MBIP: variants seen among roughly 807,000 people sequenced by gnomAD.
MBIP encodes MAP3K12 binding inhibitory protein 1, also known as MAP3K12-binding inhibitory protein 1.
A neutral mutation model predicts 45.7 loss-of-function variants in MBIP; 32 were observed. The ratio of observed to expected loss-of-function variants is 0.70; its 90% CI spans 0.53 to 0.94. The LOEUF (loss-of-function observed/expected upper bound fraction) is 0.94. Among genes scored for constraint, MBIP ranks in the 40% least tolerant of loss-of-function variants. The probability of loss-of-function intolerance (pLI) is 0.00; values close to 1 mark genes in which losing one functional copy is unlikely to be tolerated. For missense variants in MBIP, 381 were observed against 405.5 expected, an observed-to-expected ratio of 0.94 and a Z score of 0.52; for synonymous variants, 145 against 141.0, an observed-to-expected ratio of 1.03 and a Z score of -0.20.
At chr14:36,316,563 C>T (rs1225313701) in intron 2 of MBIP, 130 bp downstream of exon 2, 4 of 833,510 alleles carry the variant, frequency 4.8e-6, no homozygotes, top group Non-Finnish European at 7.3e-6. Context: ...AGATTAAATC[C>T]GGATGTAAAT....
chr14:36,309,575 T>A (rs764716304), intron 6 of MBIP, among the ~76,000 whole-genome samples: 1 of 152,190 alleles, frequency 6.6e-6, no homozygotes, highest in African/African-American at 2.4e-5. Context: ...TATGTAAAAA[T>A]TCTAGAAATT....
In MBIP at chr14:36,298,994, T is replaced by C; in HGVS notation, c.*89A>G. On this transcript the variant is annotated 3_prime_UTR_variant, in exon 9 of 9. Coordinates refer to ENST00000416007, the MANE Select transcript of MBIP (RefSeq NM_016586.3). ...CCTTGACTTCACAGAGAAGTCTACATTGATAAATATATATCCGTTGAATTA... is the reference window on the plus strand; with the variant it reads ...CCTTGACTTCACAGAGAAGTCTACACTGATAAATATATATCCGTTGAATTA... 7 of 927,716 alleles carry C rather than the reference T, an allele frequency of 7.5e-6. No individual in the cohort carries two copies. Among genetic ancestry groups the C allele is most frequent in the East Asian group, 2.5e-5 (1 of 40,584 alleles). 57.5% of individuals were successfully genotyped at this position (927,716 alleles called of 1,614,324 possible).
At chr14:36,301,442 G>C (rs1879543015) in intron 7 of MBIP, among the ~76,000 whole-genome samples, 1 of 152,306 alleles carries the variant, frequency 6.6e-6, no homozygotes, top group East Asian at 1.9e-4. Flanking sequence ...AGAGCTTCTG[G>C]AAAAAGCTTC....
At chr14:36,307,996 G>T in intron 7 of MBIP, 96 bp downstream of exon 7, 1 of 639,900 alleles carries the variant, frequency 1.6e-6, no homozygotes, top group Non-Finnish European at 2.7e-6. Flanking sequence ...TATTAAAATA[G>T]TGTTTTGCTT....
In MBIP at chr14:36,300,921, C is replaced by A. The variant is rs941034287; in HGVS notation, c.889-98G>T. The A allele has an allele frequency of 8.3e-6, 6 of 719,336 alleles. No homozygotes were observed. The African/African-American group carries it at 9.2e-5, about 11-fold the overall frequency. The allele number at this position is 719,336 out of a possible 1,614,324, so 44.6% of individuals were successfully genotyped here. A position where few individuals can be genotyped will look rare whatever the true frequency, so the allele number is the denominator to read the frequency against. On this transcript the variant is annotated intron_variant, in intron 7 of 8. Transcript: ENST00000416007. ...CAAATTATGTACAGCCTTGGGAACCCTGACAGAAAAAAAACCAACCAATTT... is the reference window on the plus strand; with the variant it reads ...CAAATTATGTACAGCCTTGGGAACCATGACAGAAAAAAAACCAACCAATTT...
chr14:36,310,796 G>C (rs928506518), intron 6 of MBIP, among the ~76,000 whole-genome samples: 1 of 152,172 alleles, frequency 6.6e-6, no homozygotes. Context: ...GCAGCACAAC[G>C]AGTGGGAGAT....
intron 8 of MBIP, among the ~76,000 whole-genome samples, chr14:36,299,709 G>A (rs531621283): frequency 1.3e-5 from 2 of 152,258 alleles, no homozygotes; most frequent in South Asian, 4.1e-4. Context: ...AAAATCATTT[G>A]AGACATCAAC....
At chr14:36,306,022 C>A (rs995471562) in intron 7 of MBIP, among the ~76,000 whole-genome samples, 1 of 152,172 alleles carries the variant, frequency 6.6e-6, no homozygotes, top group Non-Finnish European at 1.5e-5. Context: ...TTAGATAAAT[C>A]TTTCTAAATA....
Position 36,303,282 on chromosome 14 carries a change from A to G in MBIP, c.889-2459T>C, listed in dbSNP as rs116603958. On this transcript the variant is annotated intron_variant, in intron 7 of 8. Coordinates refer to ENST00000416007, the MANE Select transcript of MBIP (RefSeq NM_016586.3). ...TACTTGAGAGCACAGCACACTAAAG[A>G]AAGAGCTGGAGAAAGGTAATGCAAA... Among the ~76,000 whole-genome samples the G allele has an allele frequency of 4.9e-3, 747 of 152,312 alleles. 6 individuals carry two copies. Among genetic ancestry groups the G allele is most frequent in the African/African-American group, 0.017 (686 of 41,570 alleles).
intron 1 of MBIP, chr14:36,319,815 T>C (rs118170965): frequency 0.012 from 2,225 of 182,552 alleles, 33 homozygotes; most frequent in Non-Finnish European, 0.014. Flanking sequence ...CCAATTTTAC[T>C]ATGACATTTC....
intron 7 of MBIP, among the ~76,000 whole-genome samples, chr14:36,302,681 C>T (rs1336058564): frequency 6.6e-6 from 1 of 151,726 alleles, no homozygotes; most frequent in Non-Finnish European, 1.5e-5. Flanking sequence ...TAAAATGTGG[C>T]CTTTTGGACT....
intron 1 of MBIP, among the ~76,000 whole-genome samples, chr14:36,317,134 C>A (rs1484399051): frequency 6.6e-6 from 1 of 152,072 alleles, no homozygotes. Flanking sequence ...TATATACAAA[C>A]CTTTGGATGG....
intron 4 of MBIP, 97 bp from the exon 5 acceptor site, chr14:36,312,121 C>G (rs1020169333): frequency 2.5e-5 from 15 of 589,224 alleles, no homozygotes; most frequent in Non-Finnish European, 1.1e-5. Context: ...TAACATTTTA[C>G]TCATAATAAT....
rs777284510 is a variant in MBIP at position 36,311,602 on chromosome 14, TTTTGTAG to T, written c.754_760del (p.Leu252IlefsTer43). ...CTGTAACCGCAAGTGGGCCTCAATA[TTTTGTAG>T]TCGTTCTTCTACAGCCTGATTACCA... On this transcript the variant is annotated frameshift_variant, in exon 6 of 9. Transcript: ENST00000416007. LOFTEE classifies it high-confidence loss of function. The T allele has an allele frequency of 4.4e-5, 71 of 1,612,870 alleles. No individual in the cohort carries two copies. Among genetic ancestry groups the T allele is most frequent in the Non-Finnish European group, 5.7e-5 (67 of 1,179,296 alleles).
intron 8 of MBIP, 111 bp from the exon 9 acceptor site, chr14:36,299,301 GGTT>G: frequency 1.4e-6 from 1 of 715,998 alleles, no homozygotes; most frequent in Non-Finnish European, 2.3e-6. Flanking sequence ...ATGATCAAAT[GGTT>G]TTTTTCCCTC....
chr14:36,315,163 AAAAAG>A (rs889202803), intron 2 of MBIP, among the ~76,000 whole-genome samples: 5 of 152,136 alleles, frequency 3.3e-5, no homozygotes, highest in African/African-American at 1.2e-4. Flanking sequence ...AAAGAAAAGA[AAAAAG>A]AAAAGAAAAC....
intron 8 of MBIP, among the ~76,000 whole-genome samples, chr14:36,299,599 A>G (rs1879414965): frequency 6.6e-6 from 1 of 152,150 alleles, no homozygotes; most frequent in South Asian, 2.1e-4. Flanking sequence ...AACCCCCATG[A>G]CATGCAATTT....
At chr14:36,300,333 C>G (rs1024455660) in intron 8 of MBIP, among the ~76,000 whole-genome samples, 56 of 152,290 alleles carry the variant, frequency 3.7e-4, no homozygotes, top group African/African-American at 1.3e-3. Flanking sequence ...TTTAAATTCA[C>G]ATTACCACTG....
At chr14:36,311,896 T>C in intron 5 of MBIP, 63 bp downstream of exon 5, 1 of 1,323,694 alleles carries the variant, frequency 7.6e-7, no homozygotes, top group South Asian at 1.4e-5. Context: ...GTTATTTCTA[T>C]TCCATTTTGC....
Sources: allele counts gnomAD v4.1 joint callset (sites outside exome capture counted in the v4.1 genomes callset), GRCh38; gene constraint gnomAD v4.1.1; transcripts MANE v1.5; gene names NCBI Gene and HGNC (gene_info 2026-07-23, HGNC 2026-07-21).